The following CADM2 variants were observed in gnomAD, a reference collection of about 807,000 sequenced individuals.
CADM2 encodes cell adhesion molecule 2, also known as immunoglobulin superfamily member 4D.
Under a neutral mutation model 49.8 loss-of-function variants are expected in CADM2, and 12 were observed. The ratio of observed to expected loss-of-function variants is 0.24; its 90% CI spans 0.15 to 0.39. CADM2 has a LOEUF of 0.39. Ranked by LOEUF, CADM2 falls within the 10% of genes least tolerant of loss-of-function variation. The probability of loss-of-function intolerance (pLI) is 1.00; values close to 1 mark genes in which losing one functional copy is unlikely to be tolerated. For missense variants in CADM2, 378 were observed against 492.3 expected (o/e 0.77, Z 2.20); for synonymous variants, 214 against 175.4 (o/e 1.22, Z -1.74).
chr3:85,007,856 C>T (rs1484225624), intron 1 of CADM2, among the ~76,000 whole-genome samples: 1 of 152,086 alleles, frequency 6.6e-6, no homozygotes, highest in Non-Finnish European at 1.5e-5. Context: ...GATGACAAAT[C>T]TGTGTTAGAA....
intron 8 of CADM2, among the ~76,000 whole-genome samples, chr3:86,023,355 TG>T (rs1246987880): frequency 1.6e-5 from 2 of 126,986 alleles, no homozygotes; most frequent in Non-Finnish European, 3.3e-5. Flanking sequence ...TGAGGTTTTT[TG>T]TTTGTTTGTT....
chr3:85,350,684 A>G (rs1271539958), intron 1 of CADM2, among the ~76,000 whole-genome samples: 2 of 152,174 alleles, frequency 1.3e-5, no homozygotes, highest in Non-Finnish European at 2.9e-5. Context: ...TTAGTTTAGT[A>G]GATTAACAAA....
chr3:85,867,789 A>C (rs2075779174), intron 3 of CADM2, among the ~76,000 whole-genome samples: 1 of 152,086 alleles, frequency 6.6e-6, no homozygotes, highest in Non-Finnish European at 1.5e-5. Flanking sequence ...AATAGTGATA[A>C]AAACAGTGAA....
At chr3:85,170,690 T>C (rs575262709) in intron 1 of CADM2, among the ~76,000 whole-genome samples, 6 of 152,320 alleles carry the variant, frequency 3.9e-5, no homozygotes, top group Admixed American at 6.5e-5. Flanking sequence ...TGCTGAACTT[T>C]GAAGCTTTTT....
intron 1 of CADM2, among the ~76,000 whole-genome samples, chr3:85,173,358 T>G (rs2107688867): frequency 6.6e-6 from 1 of 152,304 alleles, no homozygotes; most frequent in African/African-American, 2.4e-5. Flanking sequence ...CTGTAAATTA[T>G]AAATATTTCT....
intron 1 of CADM2, among the ~76,000 whole-genome samples, chr3:84,959,946 G>T (rs2030300793): frequency 1.3e-5 from 2 of 151,926 alleles, no homozygotes; most frequent in South Asian, 2.1e-4. Context: ...CTCCATTCCC[G>T]CCAGCATCCC....
chr3:86,047,196 C>T (rs559840642), intron 8 of CADM2, among the ~76,000 whole-genome samples: 1 of 152,236 alleles, frequency 6.6e-6, no homozygotes, highest in Non-Finnish European at 1.5e-5. Flanking sequence ...GATTAGACTG[C>T]TTCTCACAAA....
intron 1 of CADM2, among the ~76,000 whole-genome samples, chr3:85,489,825 G>GAT (rs2039594537): frequency 6.6e-6 from 1 of 151,202 alleles, no homozygotes; most frequent in South Asian, 2.1e-4. Context: ...GAGAGAGAGA[G>GAT]AGCAAAGCGA....
intron 1 of CADM2, among the ~76,000 whole-genome samples, chr3:85,441,164 C>T (rs1431512299): frequency 1.3e-5 from 2 of 151,598 alleles, no homozygotes; most frequent in Admixed American, 6.6e-5. Context: ...TTTAGCATTC[C>T]TATCTTTTAA....
intron 1 of CADM2, among the ~76,000 whole-genome samples, chr3:85,567,640 C>CAGGT (rs1559914997): frequency 1.3e-5 from 2 of 151,036 alleles, no homozygotes; most frequent in East Asian, 4.0e-4. Flanking sequence ...GAATCAATTC[C>CAGGT]AGATAGATAG....
chr3:85,555,115 TAAGTA>T (rs2061927313), intron 1 of CADM2, among the ~76,000 whole-genome samples: 1 of 152,146 alleles, frequency 6.6e-6, no homozygotes, highest in Non-Finnish European at 1.5e-5. Context: ...TGTGTTTTTA[TAAGTA>T]AAGTAAAATG....
intron 1 of CADM2, among the ~76,000 whole-genome samples, chr3:85,568,166 G>T (rs181405655): frequency 3.9e-5 from 6 of 152,314 alleles, no homozygotes; most frequent in African/African-American, 1.4e-4. Context: ...CAGAGGGGAA[G>T]AGGGGGAACG....
chr3:85,675,747 A>C (rs1374064393), intron 1 of CADM2, among the ~76,000 whole-genome samples: 2 of 152,170 alleles, frequency 1.3e-5, no homozygotes, highest in African/African-American at 4.8e-5. Context: ...TCATTCATTA[A>C]TCATAGAGGG....
At chr3:85,015,157 A>G (rs555346792) in intron 1 of CADM2, among the ~76,000 whole-genome samples, 1 of 152,152 alleles carries the variant, frequency 6.6e-6, no homozygotes, top group South Asian at 2.1e-4. Flanking sequence ...ATATATGGGT[A>G]TGTGTATATA....
At chr3:85,498,387 T>A (rs2039989679) in intron 1 of CADM2, among the ~76,000 whole-genome samples, 1 of 152,132 alleles carries the variant, frequency 6.6e-6, no homozygotes. Context: ...TGTTAATGAA[T>A]CAATAATGTG....
chr3:85,618,535 A>G (rs1407409125), intron 1 of CADM2, among the ~76,000 whole-genome samples: 1 of 152,136 alleles, frequency 6.6e-6, no homozygotes, highest in African/African-American at 2.4e-5. Context: ...TCTCTTAACC[A>G]CCATGGTACC....
At chr3:85,436,280 T>C (rs1485002232) in intron 1 of CADM2, among the ~76,000 whole-genome samples, 2 of 152,090 alleles carry the variant, frequency 1.3e-5, no homozygotes, top group African/African-American at 4.8e-5. Context: ...TTTGTATTCT[T>C]AGACTTTGCT....
chr3:85,790,496 G>C (rs974914392), intron 2 of CADM2, among the ~76,000 whole-genome samples: 1 of 152,124 alleles, frequency 6.6e-6, no homozygotes, highest in African/African-American at 2.4e-5. Flanking sequence ...TTCTACAGGA[G>C]AATTATAATT....
chr3:85,899,188 A>G (rs1715760296), intron 5 of CADM2, among the ~76,000 whole-genome samples: 1 of 150,574 alleles, frequency 6.6e-6, no homozygotes, highest in Non-Finnish European at 1.5e-5. Flanking sequence ...CTGGTCTTGA[A>G]CTCCTGACCT....
Sources: gnomAD v4.1 joint callset for allele counts (sites outside exome capture counted in the v4.1 genomes callset) on GRCh38, gnomAD v4.1.1 for gene constraint, MANE v1.5 for transcripts, NCBI Gene and HGNC (gene_info 2026-07-23, HGNC 2026-07-21) for gene names.